Variants in KIAA0825 observed in about 807,000 individuals in gnomAD.
KIAA0825 encodes the protein KIAA0825.
A neutral mutation model predicts 147.6 loss-of-function variants in KIAA0825; 119 were observed. The ratio of observed to expected loss-of-function variants is 0.81; its 90% CI spans 0.69 to 0.94. The LOEUF (loss-of-function observed/expected upper bound fraction) is 0.94. Ranked by LOEUF, KIAA0825 falls within the 40% of genes least tolerant of loss-of-function variation. The pLI is 0.00. For missense variants in KIAA0825, 1,381 were observed against 1,472.7 expected (o/e 0.94, Z 1.02); for synonymous variants, 470 against 518.1 (o/e 0.91, Z 1.26).
chr5:94,487,280 C>A (rs978163877), intron 5 of KIAA0825, among the ~76,000 whole-genome samples: 4 of 151,960 alleles, frequency 2.6e-5, no homozygotes, highest in Non-Finnish European at 4.4e-5. Flanking sequence ...ATTTTTTTGT[C>A]CCAACCAACC....
At chr5:94,440,602 G>A (rs1003996377) in intron 13 of KIAA0825, among the ~76,000 whole-genome samples, 1 of 152,016 alleles carries the variant, frequency 6.6e-6, no homozygotes, top group African/African-American at 2.4e-5. Context: ...AGGGTCAACC[G>A]TAATCTAATT....
chr5:94,541,697 A>G (rs1773347446), intron 2 of KIAA0825, among the ~76,000 whole-genome samples: 1 of 152,244 alleles, frequency 6.6e-6, no homozygotes, highest in Admixed American at 6.5e-5. Context: ...TAAAAGATTT[A>G]TGCAAATCTT....
At chr5:94,237,557 G>A (rs778508849) in intron 20 of KIAA0825, among the ~76,000 whole-genome samples, 1 of 152,046 alleles carries the variant, frequency 6.6e-6, no homozygotes, top group Non-Finnish European at 1.5e-5. Flanking sequence ...AACACCCCTG[G>A]CATTTTCTCT....
chr5:94,311,292 G>C (rs1157003591), intron 20 of KIAA0825, among the ~76,000 whole-genome samples: 1 of 150,624 alleles, frequency 6.6e-6, no homozygotes, highest in Non-Finnish European at 1.5e-5. Context: ...GTATTGCTTG[G>C]AACCTTAAAA....
At chr5:94,457,259 A>G (rs1301962800) in intron 12 of KIAA0825, among the ~76,000 whole-genome samples, 1 of 152,232 alleles carries the variant, frequency 6.6e-6, no homozygotes, top group African/African-American at 2.4e-5. Flanking sequence ...GTTTTGGTAT[A>G]CAGTTAAAAG....
At chr5:94,399,362 A>T (rs1004804951) in intron 16 of KIAA0825, among the ~76,000 whole-genome samples, 15 of 152,238 alleles carry the variant, frequency 9.9e-5, no homozygotes, top group Non-Finnish European at 2.1e-4. Context: ...CAAATATTTG[A>T]CAAGCTAAGT....
At chr5:94,525,286 A>G (rs949583647) in intron 3 of KIAA0825, among the ~76,000 whole-genome samples, 1 of 151,918 alleles carries the variant, frequency 6.6e-6, no homozygotes. Flanking sequence ...TAGATGTCAT[A>G]CGAAAGACTC....
chr5:94,365,809 T>C (rs1275827459), intron 20 of KIAA0825, among the ~76,000 whole-genome samples: 1 of 152,250 alleles, frequency 6.6e-6, no homozygotes, highest in East Asian at 1.9e-4. Flanking sequence ...ACAAATTAGC[T>C]AGAAGATGAG....
intron 1 of KIAA0825, chr5:94,593,381 CACG>C (rs1784690090): frequency 9.9e-7 from 1 of 1,013,764 alleles, no homozygotes; most frequent in Non-Finnish European, 1.5e-6. Flanking sequence ...TCTTTAATAT[CACG>C]ACATTTTCAA....
At chr5:94,471,098 G>A (rs931948396) in intron 9 of KIAA0825, among the ~76,000 whole-genome samples, 3 of 152,106 alleles carry the variant, frequency 2.0e-5, no homozygotes, top group Admixed American at 6.5e-5. Flanking sequence ...TCCGCTCCAC[G>A]AGACAACAAG....
intron 15 of KIAA0825, 35 bp downstream of exon 15, chr5:94,417,166 G>T: frequency 6.6e-7 from 1 of 1,526,424 alleles, no homozygotes; most frequent in South Asian, 1.2e-5. Flanking sequence ...AGTATCTATA[G>T]AACATTTCTT....
At chr5:94,529,220 T>C (rs903230448) in intron 3 of KIAA0825, among the ~76,000 whole-genome samples, 3 of 128,854 alleles carry the variant, frequency 2.3e-5, no homozygotes, top group South Asian at 2.2e-4. Flanking sequence ...CATATATATG[T>C]ATGTATCATA....
intron 2 of KIAA0825, among the ~76,000 whole-genome samples, chr5:94,556,139 G>A (rs893106052): frequency 2.6e-5 from 4 of 151,264 alleles, no homozygotes; most frequent in East Asian, 1.9e-4. Flanking sequence ...TGTAACCTCC[G>A]CCTCCTGGAT....
At chr5:94,553,864 T>C (rs767589869) in intron 2 of KIAA0825, among the ~76,000 whole-genome samples, 12 of 151,992 alleles carry the variant, frequency 7.9e-5, no homozygotes, top group Non-Finnish European at 1.3e-4. Context: ...AATCGTGATG[T>C]TCTCTAAGAA....
At chr5:94,479,345 T>C (rs1033843725) in intron 6 of KIAA0825, among the ~76,000 whole-genome samples, 1 of 152,132 alleles carries the variant, frequency 6.6e-6, no homozygotes, top group African/African-American at 2.4e-5. Flanking sequence ...TGGAATCATA[T>C]AGTATGTAGC....
At chr5:94,361,071 G>T (rs1744990748) in intron 20 of KIAA0825, among the ~76,000 whole-genome samples, 6 of 152,118 alleles carry the variant, frequency 3.9e-5, no homozygotes, top group Admixed American at 3.9e-4. Context: ...AGGTTAATGG[G>T]TTTTCTAGCA....
At chr5:94,460,160 A>T (rs2150945324) in intron 12 of KIAA0825, among the ~76,000 whole-genome samples, 2 of 152,304 alleles carry the variant, frequency 1.3e-5, no homozygotes, top group African/African-American at 4.8e-5. Flanking sequence ...ATGAACATGT[A>T]TGTGAATATG....
intron 6 of KIAA0825, among the ~76,000 whole-genome samples, chr5:94,481,110 C>T (rs1355261579): frequency 6.6e-6 from 1 of 152,054 alleles, no homozygotes; most frequent in Non-Finnish European, 1.5e-5. Flanking sequence ...GAGAAGGTAG[C>T]CCACTTTCGG....
At chr5:94,361,823 C>G (rs1358784240) in intron 20 of KIAA0825, among the ~76,000 whole-genome samples, 1 of 152,162 alleles carries the variant, frequency 6.6e-6, no homozygotes, top group Non-Finnish European at 1.5e-5. Flanking sequence ...CCTGCCAGTT[C>G]AGAGCAACAA....
Sources: allele counts gnomAD v4.1 joint callset (sites outside exome capture counted in the v4.1 genomes callset), GRCh38; gene constraint gnomAD v4.1.1; transcripts MANE v1.5; gene names NCBI Gene and HGNC (gene_info 2026-07-23, HGNC 2026-07-21).